The following AGMO variants were observed in gnomAD, a reference collection of about 807,000 sequenced individuals.
The protein encoded by AGMO is glyceryl-ether monooxygenase.
A neutral mutation model predicts 60.2 loss-of-function variants in AGMO; 75 were observed. That is an observed-to-expected ratio of 1.25 (90% confidence interval 1.03 to 1.51). The LOEUF is 1.51. AGMO is among the 40% of genes most tolerant of loss of function. The probability of loss-of-function intolerance (pLI) is 0.00; values close to 1 mark genes in which losing one functional copy is unlikely to be tolerated. For synonymous variants in AGMO, 261 were observed against 177.1 expected, an observed-to-expected ratio of 1.47 and a Z score of -3.76; for missense variants, 763 against 525.5, an observed-to-expected ratio of 1.45 and a Z score of -4.42.
At chr7:15,545,054 C>A (rs1439849170) in intron 2 of AGMO, 131 bp from the exon 3 acceptor site, 1 of 596,128 alleles carries the variant, frequency 1.7e-6, no homozygotes, top group Non-Finnish European at 2.5e-6. Flanking sequence ...TACTTTGTGT[C>A]TTCTATGTCA....
At chr7:15,465,463 C>T (rs1782257814) in intron 3 of AGMO, among the ~76,000 whole-genome samples, 2 of 150,934 alleles carry the variant, frequency 1.3e-5, no homozygotes, top group African/African-American at 4.9e-5. Flanking sequence ...TGCTCTTTTG[C>T]CCAGGCTGGA....
At chr7:15,309,727 T>C (rs942365922) in intron 12 of AGMO, among the ~76,000 whole-genome samples, 1 of 152,188 alleles carries the variant, frequency 6.6e-6, no homozygotes, top group African/African-American at 2.4e-5. Context: ...GTTATTATTA[T>C]ATTTATTCCT....
intron 5 of AGMO, among the ~76,000 whole-genome samples, chr7:15,409,162 A>AT (rs11405250): frequency 0.19 from 28,705 of 151,842 alleles, 3,009 homozygotes; most frequent in African/African-American, 0.26. Context: ...TCACCGAAGT[A>AT]TTTCATCAGG....
chr7:15,251,561 A>G (rs1782939691), intron 12 of AGMO, among the ~76,000 whole-genome samples: 1 of 152,224 alleles, frequency 6.6e-6, no homozygotes, highest in South Asian at 2.1e-4. Context: ...TGTTCTAAGA[A>G]AGCAAGATAG....
At chr7:15,465,039 G>A (rs1439036460) in intron 3 of AGMO, among the ~76,000 whole-genome samples, 3 of 152,088 alleles carry the variant, frequency 2.0e-5, no homozygotes, top group Non-Finnish European at 4.4e-5. Context: ...AGAGAAAGTA[G>A]CTTAGGAAGC....
At chr7:15,462,920 G>C (rs1388920203) in intron 3 of AGMO, among the ~76,000 whole-genome samples, 1 of 152,154 alleles carries the variant, frequency 6.6e-6, no homozygotes, top group Admixed American at 6.6e-5. Context: ...GGAGAAATCA[G>C]CAGGTATAAG....
At chr7:15,441,748 G>A (rs946339898) in intron 3 of AGMO, among the ~76,000 whole-genome samples, 1 of 152,012 alleles carries the variant, frequency 6.6e-6, no homozygotes, top group Non-Finnish European at 1.5e-5. Context: ...CACAAGCTAC[G>A]GAATCCATTT....
chr7:15,167,008 T>C, the AGMO span, among the ~76,000 whole-genome samples: 1 of 152,176 alleles, frequency 6.6e-6, no homozygotes, highest in Non-Finnish European at 1.5e-5. Flanking sequence ...AGTGATTCTA[T>C]TTTTATTTTT....
intron 12 of AGMO, among the ~76,000 whole-genome samples, chr7:15,223,738 CT>C (rs1194344033): frequency 6.6e-6 from 1 of 151,876 alleles, no homozygotes; most frequent in Non-Finnish European, 1.5e-5. Context: ...TTTCCTATAT[CT>C]TTATTAATAC....
chr7:15,304,069 A>T (rs529290370), intron 12 of AGMO, among the ~76,000 whole-genome samples: 1 of 152,268 alleles, frequency 6.6e-6, no homozygotes, highest in East Asian at 1.9e-4. Flanking sequence ...TTTACATATA[A>T]CAATGCCACG....
intron 12 of AGMO, among the ~76,000 whole-genome samples, chr7:15,256,304 G>A (rs1257201863): frequency 1.3e-5 from 2 of 152,156 alleles, no homozygotes; most frequent in African/African-American, 2.4e-5. Context: ...CATATACGGT[G>A]GTGGTCCAAT....
At chr7:15,522,170 C>G (rs1432477852) in intron 3 of AGMO, among the ~76,000 whole-genome samples, 2 of 152,054 alleles carry the variant, frequency 1.3e-5, no homozygotes, top group African/African-American at 4.8e-5. Context: ...TCAAGGAGAA[C>G]TACAAACCAC....
intron 4 of AGMO, among the ~76,000 whole-genome samples, chr7:15,429,443 A>G (rs1206599600): frequency 6.6e-6 from 1 of 151,726 alleles, no homozygotes; most frequent in Non-Finnish European, 1.5e-5. Context: ...AGAAAGAACC[A>G]AAAACTAAGA....
intron 10 of AGMO, among the ~76,000 whole-genome samples, chr7:15,385,143 T>C (rs562708282): frequency 2.6e-5 from 4 of 152,320 alleles, no homozygotes; most frequent in East Asian, 1.9e-4. Flanking sequence ...TTCTGACTTC[T>C]GAAGTATTTT....
chr7:15,436,323 A>G (rs1781403640), intron 3 of AGMO, among the ~76,000 whole-genome samples: 1 of 70,882 alleles, frequency 1.4e-5, no homozygotes, highest in Non-Finnish European at 3.3e-5. Context: ...GGTAGGTTAG[A>G]GTTGTTTCTG....
chr7:15,461,470 C>T (rs966624595), intron 3 of AGMO, among the ~76,000 whole-genome samples: 1 of 89,008 alleles, frequency 1.1e-5, no homozygotes, highest in Non-Finnish European at 2.5e-5. Flanking sequence ...GAATAAAGAA[C>T]TTTAGTGAAA....
chr7:15,470,276 T>G (rs1158506336), intron 3 of AGMO, among the ~76,000 whole-genome samples: 1 of 152,032 alleles, frequency 6.6e-6, no homozygotes, highest in Non-Finnish European at 1.5e-5. Context: ...GGTACACTGC[T>G]GGAAACAAAA....
chr7:15,527,948 C>G (rs1256651504), intron 3 of AGMO, among the ~76,000 whole-genome samples: 1 of 152,044 alleles, frequency 6.6e-6, no homozygotes, highest in Non-Finnish European at 1.5e-5. Context: ...AGAATTCTTT[C>G]AAAGTATTAC....
At chr7:15,371,099 T>C (rs147612369) in intron 10 of AGMO, among the ~76,000 whole-genome samples, 1 of 152,164 alleles carries the variant, frequency 6.6e-6, no homozygotes, top group Non-Finnish European at 1.5e-5. Context: ...CCTTTCACCA[T>C]ATATAAAAAT....
Sources: gnomAD v4.1 joint callset for allele counts (sites outside exome capture counted in the v4.1 genomes callset) on GRCh38, gnomAD v4.1.1 for gene constraint, MANE v1.5 for transcripts, NCBI Gene and HGNC (gene_info 2026-07-23, HGNC 2026-07-21) for gene names.